HECTD2: variants seen among roughly 807,000 people sequenced by gnomAD.
The protein encoded by HECTD2 is probable E3 ubiquitin-protein ligase HECTD2.
Under a neutral mutation model 103.2 loss-of-function variants are expected in HECTD2, and 35 were observed. The ratio of observed to expected loss-of-function variants is 0.34; its 90% CI spans 0.26 to 0.45. The LOEUF (loss-of-function observed/expected upper bound fraction) is 0.45, where lower values mean the gene tolerates loss of function less well. HECTD2 is among the 20% of genes least tolerant of loss of function. The pLI, the probability that HECTD2 is intolerant of heterozygous loss-of-function variation, is 1.00. For synonymous variants in HECTD2, 281 were observed against 329.9 expected (o/e 0.85, Z 1.61); for missense variants, 596 against 937.4 (o/e 0.64, Z 4.76).
In HECTD2 at chr10:91,458,311, A is replaced by C. The variant is rs377164506; in HGVS notation, c.269-2116A>C. ...GTAAGTGTAAAGGCATACTGTGTTC[A>C]TGGATTAGAACACTTAGTGTAGTAA... On this transcript the variant is annotated intron_variant, in intron 2 of 20. Coordinates refer to ENST00000298068, the MANE Select transcript of HECTD2 (RefSeq NM_182765.6). 2.6e-5 allele frequency among the ~76,000 whole-genome samples: 4 copies of C among 152,108 alleles called. No individual in the cohort carries two copies. In the South Asian group the frequency reaches 8.3e-4, roughly 32 times the overall value.
At chr10:91,503,414 G>A (rs1313214529) in intron 20 of HECTD2, among the ~76,000 whole-genome samples, 3 of 152,152 alleles carry the variant, frequency 2.0e-5, no homozygotes, top group African/African-American at 7.2e-5. Context: ...AGGTCAGTGG[G>A]TGCGCACACC....
At position 91,410,365 on chromosome 10, in the gene HECTD2, C is replaced by A. The variant is rs1190836867; in HGVS notation, c.-74C>A. ...GCCCAGAGCCCTCTCGCGGCCGCGGCGGCAGCAGCAGCGCCAGCCCCAGCA... is the reference window on the plus strand; with the variant it reads ...GCCCAGAGCCCTCTCGCGGCCGCGGAGGCAGCAGCAGCGCCAGCCCCAGCA... On this transcript the variant is annotated 5_prime_UTR_variant, in exon 1 of 21. Coordinates refer to ENST00000298068, the MANE Select transcript of HECTD2 (RefSeq NM_182765.6). 3.0e-6 allele frequency: 3 copies of A among 998,820 alleles called. No individual in the cohort carries two copies. The highest frequency in any genetic ancestry group is 9.3e-5 in the Admixed American group (2 of 21,580). 61.9% of individuals were successfully genotyped at this position (998,820 alleles called of 1,614,324 possible). A position where few individuals can be genotyped will look rare whatever the true frequency, so the allele number is the denominator to read the frequency against.
chr10:91,456,679 T>C (rs988637419), intron 2 of HECTD2, among the ~76,000 whole-genome samples: 1 of 152,174 alleles, frequency 6.6e-6, no homozygotes. Flanking sequence ...ATGCTTCCAG[T>C]TTTTGCCCAT....
At chr10:91,437,187 C>A (rs1325533384) in intron 2 of HECTD2, among the ~76,000 whole-genome samples, 1 of 151,978 alleles carries the variant, frequency 6.6e-6, no homozygotes, top group Non-Finnish European at 1.5e-5. Flanking sequence ...GTGTGGAGAT[C>A]AGTGGGGAAA....
chr10:91,410,182 C>T (rs1842851117), upstream of HECTD2: 1 of 151,832 alleles, frequency 6.6e-6, no homozygotes, highest in South Asian at 2.1e-4. Context: ...CGCGCGAGCC[C>T]CGGGCGGGCG....
chr10:91,454,596 T>C (rs571683073), intron 2 of HECTD2, among the ~76,000 whole-genome samples: 2 of 152,090 alleles, frequency 1.3e-5, no homozygotes, highest in African/African-American at 4.8e-5. Context: ...ATACTTTAAG[T>C]TCTAGGGTAC....
intron 18 of HECTD2, among the ~76,000 whole-genome samples, chr10:91,500,118 C>G (rs114784427): frequency 3.6e-4 from 55 of 152,174 alleles, no homozygotes; most frequent in African/African-American, 1.3e-3. Context: ...AGACTATAAC[C>G]AAGTGCCCAA....
Position 91,497,126 on chromosome 10 carries a change from ATTT to A in HECTD2, c.1680+781_1680+783del, listed in dbSNP as rs56923120. Reference sequence around the variant, plus strand: ...AGGCATGTGCCACCGTGCCCGGCAAATTTTTTTTTTTTTTTTTTTTTTTTTTTT... The same window carrying A: ...AGGCATGTGCCACCGTGCCCGGCAAATTTTTTTTTTTTTTTTTTTTTTTTT... On this transcript the variant is annotated intron_variant, in intron 15 of 20. Transcript: ENST00000298068. Among the ~76,000 whole-genome samples the A allele has an allele frequency of 2.7e-3, 259 of 97,352 alleles. 5 individuals carry two copies. The highest frequency in any genetic ancestry group is 0.013 in the African/African-American group (245 of 19,132). 63.9% of individuals were successfully genotyped at this position (97,352 alleles called of 152,430 possible).
At chr10:91,415,869 T>TA (rs747941027) in intron 1 of HECTD2, among the ~76,000 whole-genome samples, 27 of 152,204 alleles carry the variant, frequency 1.8e-4, no homozygotes, top group Non-Finnish European at 3.5e-4. Context: ...AAATTATATG[T>TA]AAAATCAATC....
At chr10:91,429,482 A>T (rs1459073965) in intron 2 of HECTD2, among the ~76,000 whole-genome samples, 1 of 152,108 alleles carries the variant, frequency 6.6e-6, no homozygotes, top group Non-Finnish European at 1.5e-5. Flanking sequence ...CCTCTGGTAG[A>T]ATTTGGCTGT....
intron 2 of HECTD2, among the ~76,000 whole-genome samples, chr10:91,455,123 G>T (rs563211542): frequency 1.8e-4 from 28 of 152,140 alleles, no homozygotes; most frequent in Non-Finnish European, 2.9e-4. Context: ...TTTCTAGTTC[G>T]AGATCCTTGA....
chr10:91,423,086 A>C (rs180675992), intron 1 of HECTD2, among the ~76,000 whole-genome samples: 22 of 152,194 alleles, frequency 1.4e-4, no homozygotes, highest in African/African-American at 5.3e-4. Context: ...ATAAAAGTAG[A>C]GATTACATCA....
At chr10:91,496,712 A>G (rs987608814) in intron 15 of HECTD2, among the ~76,000 whole-genome samples, 1 of 152,094 alleles carries the variant, frequency 6.6e-6, no homozygotes, top group African/African-American at 2.4e-5. Flanking sequence ...AATGATGACA[A>G]TTATATCAAA....
intron 8 of HECTD2, 98 bp from the exon 9 acceptor site, chr10:91,484,408 TA>T (rs2133289645): frequency 6.8e-7 from 1 of 1,468,018 alleles, no homozygotes; most frequent in Non-Finnish European, 9.2e-7. Flanking sequence ...GGGAATAGTC[TA>T]AAATTTTGTG....
intron 18 of HECTD2, 124 bp from the exon 19 acceptor site, chr10:91,500,374 TCAAC>T: frequency 3.8e-5 from 16 of 420,410 alleles, no homozygotes; most frequent in Middle Eastern, 4.7e-4. Context: ...CGATTTTTCT[TCAAC>T]AAAAATGGTT....
At position 91,410,443 on chromosome 10, in the gene HECTD2, G is replaced by A; in HGVS notation, c.5G>A (p.Ser2Asn). The A allele has an allele frequency of 1.4e-6, 2 of 1,446,046 alleles. No homozygotes were observed. The highest frequency in any genetic ancestry group is 9.1e-7 in the Non-Finnish European group (1 of 1,102,964). 89.6% of individuals were successfully genotyped at this position (1,446,046 alleles called of 1,614,324 possible). A position where few individuals can be genotyped will look rare whatever the true frequency, so the allele number is the denominator to read the frequency against. The change falls in exon 1 of 21, where the codon AGT becomes AAT. Residue 2 changes from serine (S) to asparagine (N), a missense_variant. By Grantham distance (46) the Ser-to-Asn change is conservative. Around this residue, in one of 4 missense-constraint regions of HECTD2, gnomAD observed 220 missense variants for 233.9 expected, o/e 0.94. Coordinates refer to ENST00000298068, the MANE Select transcript of HECTD2 (RefSeq NM_182765.6). ...GCTCCCGCCGCCCGGCCCGACATGA[G>A]TGAGGCGGTTCGGGTACCCTCGCCC... M[S>N]EAVRVPSPAT... is the part of the protein sequence containing the mutation.
intron 20 of HECTD2, among the ~76,000 whole-genome samples, chr10:91,509,017 C>T (rs1010430704): frequency 2.0e-5 from 3 of 151,084 alleles, no homozygotes; most frequent in South Asian, 2.1e-4. Context: ...AGTAAACTAT[C>T]GCAATAACAA....
chr10:91,504,176 A>G (rs942228680), intron 20 of HECTD2, among the ~76,000 whole-genome samples: 1 of 152,188 alleles, frequency 6.6e-6, no homozygotes, highest in Non-Finnish European at 1.5e-5. Context: ...AAAGATGGGG[A>G]AAAAACAGAG....
chr10:91,466,394 C>A (rs1290554656), intron 5 of HECTD2, among the ~76,000 whole-genome samples: 1 of 151,558 alleles, frequency 6.6e-6, no homozygotes, highest in Non-Finnish European at 1.5e-5. Flanking sequence ...TTTCCCTGTT[C>A]CCTGTTTTAA....
Sources: allele counts gnomAD v4.1 joint callset (sites outside exome capture counted in the v4.1 genomes callset), GRCh38; gene constraint gnomAD v4.1.1; regional missense constraint gnomAD v4.1.1; transcripts MANE v1.5; gene names NCBI Gene and HGNC (gene_info 2026-07-23, HGNC 2026-07-21).